The following GRM8 variants were observed in gnomAD, a reference collection of about 807,000 sequenced individuals.
GRM8 encodes the protein metabotropic glutamate receptor 8.
In GRM8, 47 loss-of-function variants were observed where a neutral mutation model predicts 87.2. The ratio of observed to expected loss-of-function variants is 0.54; its 90% confidence interval spans 0.43 to 0.69. The LOEUF (loss-of-function observed/expected upper bound fraction) is 0.69. GRM8 is among the 30% of genes least tolerant of loss of function. The pLI is 0.00. For synonymous variants in GRM8, 396 were observed against 404.5 expected (o/e 0.98, Z 0.25); for missense variants, 1,019 against 1,139.2 (o/e 0.89, Z 1.52).
chr7:127,113,180 C>T (rs140850750), intron 2 of GRM8, among the ~76,000 whole-genome samples: 6 of 152,286 alleles, frequency 3.9e-5, no homozygotes, highest in African/African-American at 9.6e-5. Flanking sequence ...ACTGCTTGCA[C>T]ATCAAAACAT....
intron 2 of GRM8, among the ~76,000 whole-genome samples, chr7:127,146,130 A>T (rs1017910683): frequency 1.3e-5 from 2 of 152,042 alleles, no homozygotes; most frequent in African/African-American, 4.8e-5. Context: ...TTAGTAAGTC[A>T]GATTTGAAGT....
At chr7:126,898,245 T>C (rs1801733121) in intron 6 of GRM8, among the ~76,000 whole-genome samples, 1 of 152,196 alleles carries the variant, frequency 6.6e-6, no homozygotes, top group Non-Finnish European at 1.5e-5. Context: ...TGGACACCTC[T>C]ACTCGTGAAT....
chr7:126,800,239 A>G (rs898482411), intron 6 of GRM8, among the ~76,000 whole-genome samples: 16 of 152,054 alleles, frequency 1.1e-4, no homozygotes, highest in African/African-American at 3.9e-4. Context: ...ATCCTAATGC[A>G]TTGCTTTGTA....
intron 6 of GRM8, among the ~76,000 whole-genome samples, chr7:126,891,397 C>A (rs1446163044): frequency 6.6e-6 from 1 of 151,954 alleles, no homozygotes; most frequent in Non-Finnish European, 1.5e-5. Context: ...AATAATCTTT[C>A]TAAGATGGTG....
At chr7:127,208,340 C>A (rs1796029025) in intron 2 of GRM8, among the ~76,000 whole-genome samples, 1 of 152,106 alleles carries the variant, frequency 6.6e-6, no homozygotes, top group Non-Finnish European at 1.5e-5. Flanking sequence ...TATACTTGGC[C>A]AACCTCAGCA....
At chr7:127,241,098 C>T (rs1324036675) in intron 2 of GRM8, among the ~76,000 whole-genome samples, 1 of 152,226 alleles carries the variant, frequency 6.6e-6, no homozygotes, top group African/African-American at 2.4e-5. Context: ...AGAGCTTCTG[C>T]TTAGCATCCT....
At chr7:127,076,078 A>C in intron 3 of GRM8, 1 of 438,134 alleles carries the variant, frequency 2.3e-6, no homozygotes, top group Non-Finnish European at 4.6e-6. Flanking sequence ...ATGTAAGAAG[A>C]AGAAACTTGA....
chr7:126,574,621 T>C (rs1794956302), intron 8 of GRM8, among the ~76,000 whole-genome samples: 1 of 152,176 alleles, frequency 6.6e-6, no homozygotes, highest in African/African-American at 2.4e-5. Context: ...TTTCCAACTC[T>C]CTCTTCACTT....
chr7:126,784,499 C>T (rs370542838), intron 6 of GRM8, among the ~76,000 whole-genome samples: 1 of 152,094 alleles, frequency 6.6e-6, no homozygotes, highest in South Asian at 2.1e-4. Flanking sequence ...TTTATTTTTG[C>T]TCCCCAAATT....
At chr7:126,767,386 T>A (rs896435872) in intron 7 of GRM8, among the ~76,000 whole-genome samples, 7 of 152,142 alleles carry the variant, frequency 4.6e-5, no homozygotes, top group Admixed American at 2.0e-4. Context: ...CTGCTTTTGC[T>A]GTAAAATTTT....
chr7:126,783,359 T>C (rs1820294900), intron 6 of GRM8, among the ~76,000 whole-genome samples: 1 of 152,220 alleles, frequency 6.6e-6, no homozygotes. Flanking sequence ...CAATTAGCTC[T>C]CCATAAATCT....
At chr7:126,753,856 A>T (rs938713887) in intron 7 of GRM8, among the ~76,000 whole-genome samples, 2 of 151,840 alleles carry the variant, frequency 1.3e-5, no homozygotes, top group Non-Finnish European at 2.9e-5. Context: ...ACCCCTCCGA[A>T]TCTACATTTT....
chr7:127,191,862 G>C (rs1166073111), intron 2 of GRM8, among the ~76,000 whole-genome samples: 1 of 152,106 alleles, frequency 6.6e-6, no homozygotes, highest in Non-Finnish European at 1.5e-5. Flanking sequence ...AGGGTGTTTT[G>C]CTGAAGAGGC....
At chr7:127,100,535 T>C (rs1339620266) in intron 3 of GRM8, among the ~76,000 whole-genome samples, 3 of 152,214 alleles carry the variant, frequency 2.0e-5, no homozygotes, top group Non-Finnish European at 4.4e-5. Context: ...ACTGAGTAAT[T>C]TGTAAAGGAA....
chr7:127,015,080 AGAAGAAGGAGAAGAAGGAGAAGGAGAAG>A (rs1487722324), intron 3 of GRM8, among the ~76,000 whole-genome samples: 1 of 94,192 alleles, frequency 1.1e-5, no homozygotes, highest in East Asian at 2.5e-4. Context: ...AGAAAGAAGG[AGAAGAAGGAGAAGAAGGAGAAGGAGAAG>A]GAAGAAGGAG....
chr7:127,001,212 AATAC>A (rs1370306838), intron 3 of GRM8, among the ~76,000 whole-genome samples: 1 of 151,734 alleles, frequency 6.6e-6, no homozygotes, highest in East Asian at 1.9e-4. Flanking sequence ...TATGCATATG[AATAC>A]ATAAACTCTG....
intron 3 of GRM8, among the ~76,000 whole-genome samples, chr7:126,948,516 T>C (rs1359856634): frequency 6.6e-6 from 1 of 150,830 alleles, no homozygotes; most frequent in Admixed American, 6.6e-5. Context: ...GAGTTTTGAC[T>C]TTTGTCTAGG....
At position 126,888,931 on chromosome 7, in the gene GRM8, A is replaced by T. The variant is rs181184210; in HGVS notation, c.1156+13611T>A. On this transcript the variant is annotated intron_variant, in intron 6 of 10. Coordinates refer to ENST00000339582, the MANE Select transcript of GRM8 (RefSeq NM_000845.3). ...TGTAAGCAAACAAGCCTGCAGCTAA[A>T]GGTTATATATGGGTCAAAGATTTAA... 1.5e-4 allele frequency among the ~76,000 whole-genome samples: 23 copies of T among 152,116 alleles called. No individual in the cohort carries two copies. In the East Asian group the frequency reaches 4.3e-3, roughly 28 times the overall value.
rs1316576410 is a variant in GRM8 at position 126,685,347 on chromosome 7, G to A, written c.1358-75849C>T. Among the ~76,000 whole-genome samples the A allele has an allele frequency of 3.3e-5, 5 of 152,154 alleles. No homozygotes were observed. Among genetic ancestry groups the A allele is most frequent in the Admixed American group, 1.3e-4 (2 of 15,284 alleles). On this transcript the variant is annotated intron_variant, in intron 7 of 10. Coordinates refer to ENST00000339582, the MANE Select transcript of GRM8 (RefSeq NM_000845.3). The surrounding 1 kb of genome is among the most constrained non-coding windows in gnomAD (Gnocchi z 4.2). ...GGAGCCGGGCCTGGGGTGGTACCAT[G>A]CTTCAGGGAGCCTGCAAGAGCCCTG...
Sources: allele counts gnomAD v4.1 joint callset (sites outside exome capture counted in the v4.1 genomes callset), GRCh38; gene constraint gnomAD v4.1.1; non-coding constraint Gnocchi (gnomAD v3.1); transcripts MANE v1.5; gene names NCBI Gene and HGNC (gene_info 2026-07-23, HGNC 2026-07-21).